The following RTL4 variants were observed in gnomAD, a reference collection of about 807,000 sequenced individuals.
RTL4 encodes retrotransposon Gag-like protein 4.
In RTL4, 4 loss-of-function variants were observed where a neutral mutation model predicts 5.3. That is an observed-to-expected ratio of 0.75 (90% CI 0.37 to 1.72). The LOEUF is 1.72. RTL4 is among the 40% of genes most tolerant of loss of function. The pLI, the probability that RTL4 is intolerant of heterozygous loss-of-function variation, is 0.04. For missense variants in RTL4, 260 were observed against 227.1 expected (o/e 1.14, Z -0.93); for synonymous variants, 98 against 87.3 (o/e 1.12, Z -0.68).
chrX:112,326,578 G>A, the RTL4 span, among the ~76,000 whole-genome samples: 3 of 112,000 alleles, frequency 2.7e-5, no homozygotes, highest in Non-Finnish European at 5.6e-5. Context: ...GAGGCTGGGG[G>A]AGGGGCGCCC....
chrX:112,418,053 C>T, the RTL4 span, among the ~76,000 whole-genome samples: 4 of 111,011 alleles, frequency 3.6e-5, no homozygotes, highest in African/African-American at 1.3e-4. Flanking sequence ...GAGGCTGAGG[C>T]ATGATGATCA....
At chrX:112,238,312 T>C in the RTL4 span, among the ~76,000 whole-genome samples, 156 of 112,220 alleles carry the variant, frequency 1.4e-3, no homozygotes, top group East Asian at 0.038. Context: ...ATTTATATAG[T>C]TGGAATCATA....
chrX:112,233,000 G>C, the RTL4 span, among the ~76,000 whole-genome samples: 1 of 111,677 alleles, frequency 9.0e-6, no homozygotes, highest in Admixed American at 9.5e-5. Context: ...TGTTCAGCCA[G>C]TGACATAGTT....
At chrX:112,094,358 G>A in the RTL4 span, among the ~76,000 whole-genome samples, 1 of 111,100 alleles carries the variant, frequency 9.0e-6, no homozygotes, top group South Asian at 3.8e-4. Context: ...GAAACTGAAG[G>A]ATATGTGTAT....
the RTL4 span, among the ~76,000 whole-genome samples, chrX:112,437,123 T>C: frequency 8.9e-6 from 1 of 111,887 alleles, no homozygotes; most frequent in Non-Finnish European, 1.9e-5. Context: ...CATTAGCTTC[T>C]ACCTACTTTC....
At chrX:112,416,508 G>A in the RTL4 span, among the ~76,000 whole-genome samples, 1 of 112,287 alleles carries the variant, frequency 8.9e-6, no homozygotes, top group African/African-American at 3.2e-5. Flanking sequence ...GGAGAATGCA[G>A]TGGTTGTGCT....
chrX:112,101,937 G>A, the RTL4 span, among the ~76,000 whole-genome samples: 1 of 110,467 alleles, frequency 9.1e-6, no homozygotes, highest in East Asian at 2.9e-4. Context: ...GATGGAAGAG[G>A]AAAGAAAGAA....
chrX:112,116,174 G>T, the RTL4 span, among the ~76,000 whole-genome samples: 1 of 111,692 alleles, frequency 9.0e-6, no homozygotes, highest in African/African-American at 3.3e-5. Flanking sequence ...CCGGCCTTTA[G>T]CCCCCAAATT....
At chrX:112,230,622 A>G in the RTL4 span, among the ~76,000 whole-genome samples, 1 of 112,456 alleles carries the variant, frequency 8.9e-6, no homozygotes, top group Non-Finnish European at 1.9e-5. Context: ...TGGGAGCTGT[A>G]GACTGGAGCT....
the RTL4 span, among the ~76,000 whole-genome samples, chrX:112,279,240 C>A: frequency 1.8e-5 from 2 of 111,283 alleles, no homozygotes; most frequent in African/African-American, 3.3e-5. Context: ...GTGCCCAGCA[C>A]AATGAATGAA....
the RTL4 span, among the ~76,000 whole-genome samples, chrX:112,161,844 C>CCTTTCTTTCTTT: frequency 7.5e-5 from 3 of 40,075 alleles, no homozygotes; most frequent in African/African-American, 3.5e-4. Flanking sequence ...TTCCTTCCTT[C>CCTTTCTTTCTTT]CTTTCTTTCT....
At chrX:112,085,688 C>T in the RTL4 span, among the ~76,000 whole-genome samples, 1 of 111,716 alleles carries the variant, frequency 9.0e-6, no homozygotes, top group African/African-American at 3.3e-5. Context: ...GCCAAATGTC[C>T]ACTGGGGAGC....
At chrX:112,390,106 A>ATAT in the RTL4 span, among the ~76,000 whole-genome samples, 2 of 17,387 alleles carry the variant, frequency 1.2e-4, no homozygotes, top group African/African-American at 4.3e-4. Flanking sequence ...ATTTATATAT[A>ATAT]ATATATATAT....
chrX:112,085,291 C>T, the RTL4 span, among the ~76,000 whole-genome samples: 1 of 112,669 alleles, frequency 8.9e-6, no homozygotes, highest in African/African-American at 3.2e-5. Flanking sequence ...AACTACCTAG[C>T]TTCTAGACTA....
the RTL4 span, among the ~76,000 whole-genome samples, chrX:112,336,122 G>A: frequency 1.8e-5 from 2 of 111,457 alleles, no homozygotes; most frequent in African/African-American, 6.5e-5. Context: ...TTGCATTAAG[G>A]TTTTCCTTGT....
chrX:112,083,948 C>T, the RTL4 span, among the ~76,000 whole-genome samples: 1 of 110,919 alleles, frequency 9.0e-6, no homozygotes, highest in Non-Finnish European at 1.9e-5. Context: ...CCCTTCCTAG[C>T]GCTCTCAGGA....
At chrX:112,299,119 G>A in the RTL4 span, among the ~76,000 whole-genome samples, 845 of 111,774 alleles carry the variant, frequency 7.6e-3, 8 homozygotes, top group African/African-American at 0.025. Context: ...TTTCAATGAT[G>A]CTTTCCAACT....
chrX:112,376,673 T>C, the RTL4 span, among the ~76,000 whole-genome samples: 2 of 111,534 alleles, frequency 1.8e-5, no homozygotes, highest in Admixed American at 1.9e-4. Flanking sequence ...AAGCAAATAA[T>C]AAGCCTCAAT....
At chrX:112,262,806 A>C in the RTL4 span, among the ~76,000 whole-genome samples, 5 of 111,083 alleles carry the variant, frequency 4.5e-5, no homozygotes, top group East Asian at 1.1e-3. Context: ...AATGTCCATC[A>C]ATGATAGACT....
Sources: gnomAD v4.1 joint callset for allele counts (sites outside exome capture counted in the v4.1 genomes callset) on GRCh38, gnomAD v4.1.1 for gene constraint, MANE v1.5 for transcripts, NCBI Gene and HGNC (gene_info 2026-07-23, HGNC 2026-07-21) for gene names.